DPP9: variants seen among roughly 807,000 people sequenced by gnomAD.
DPP9 encodes the protein dipeptidyl peptidase 9.
Under a neutral mutation model 110.7 loss-of-function variants are expected in DPP9, and 50 were observed. That is an observed-to-expected ratio of 0.45 (90% CI 0.36 to 0.57). DPP9 has a LOEUF of 0.57. DPP9 is among the 20% of genes least tolerant of loss of function. The pLI, the probability that DPP9 is intolerant of heterozygous loss-of-function variation, is 0.00. For missense variants in DPP9, 1,022 were observed against 1,217.9 expected (o/e 0.84, Z 2.39); for synonymous variants, 561 against 514.4 (o/e 1.09, Z -1.23).
At position 4,704,418 on chromosome 19, in the gene DPP9, GC is replaced by G; in HGVS notation, c.427-115del. 7.7e-7 allele frequency: 1 copy of G among 1,303,158 alleles called. No individual in the cohort carries two copies. The highest frequency in any genetic ancestry group is 1.1e-6 in the Non-Finnish European group (1 of 944,226). 80.7% of individuals were successfully genotyped at this position (1,303,158 alleles called of 1,614,324 possible). ...CCCAGGGAATCTGACTTCGGGCCTC[GC>G]CAGAGAGAACTTCCTGTACTGGGCA... On this transcript the variant is annotated intron_variant, in intron 5 of 21. Coordinates refer to ENST00000262960, the MANE Select transcript of DPP9 (RefSeq NM_139159.5). The surrounding 1 kb of genome is among the most constrained non-coding windows in gnomAD (Gnocchi z 6.0).
chr19:4,692,198 G>A (rs2091391216), intron 13 of DPP9, among the ~76,000 whole-genome samples: 1 of 152,214 alleles, frequency 6.6e-6, no homozygotes, highest in South Asian at 2.1e-4. Context: ...TGGGGGGTAG[G>A]AGGGTTGACT....
rs1362289817 is a variant in DPP9, at chr19:4,689,729, G to C, written c.1597-7C>G. ...TCTCCTCATTGACCCAGATCTGCAGGGGGACAGGGGATCCTCGTGATGCGT... is the reference window on the plus strand; with the variant it reads ...TCTCCTCATTGACCCAGATCTGCAGCGGGACAGGGGATCCTCGTGATGCGT... On this transcript the variant is annotated splice_region_variant and splice_polypyrimidine_tract_variant and intron_variant, in intron 14 of 21. Transcript: ENST00000262960. The surrounding 1 kb of genome is among the most constrained non-coding windows in gnomAD (Gnocchi z 7.0). 1.9e-6 allele frequency: 3 copies of C among 1,543,006 alleles called. No individual in the cohort carries two copies. Among genetic ancestry groups the C allele is most frequent in the Non-Finnish European group, 2.6e-6 (3 of 1,141,182 alleles).
In DPP9 at chr19:4,685,703, C is replaced by T. The variant is rs377267396; in HGVS notation, c.1954G>A (p.Gly652Ser). The T allele has an allele frequency of 3.1e-6, 5 of 1,613,456 alleles. No individual in the cohort carries two copies. Among genetic ancestry groups the T allele is most frequent in the Non-Finnish European group, 4.2e-6 (5 of 1,179,808 alleles). Residue 652 changes from glycine to serine, a missense_variant, in exon 17 of 22, where the codon GGC becomes AGC. Gly to Ser is a moderately conservative substitution (Grantham distance 56, BLOSUM62 0). This residue lies in a region of DPP9 where 810 missense variants were observed against 920.6 expected (regional missense o/e 0.88). Coordinates refer to ENST00000262960, the MANE Select transcript of DPP9 (RefSeq NM_139159.5). This position sits in a 1 kb window ranked among gnomAD's most constrained non-coding sequence, Gnocchi z 5.8. ...FHTRSDVRLYGMIYKPHALQP... is the reference protein window; with the variant it reads ...FHTRSDVRLYSMIYKPHALQP... ...AAGGCGTGGGGCTTGTAGATCATGC[C>T]GTAGAGCCGCACATCCGAGCGCGTG... is the stretch of plus-strand genomic sequence containing the variant.
At chr19:4,701,421 T>C (rs1490998710) in intron 9 of DPP9, among the ~76,000 whole-genome samples, 2 of 152,090 alleles carry the variant, frequency 1.3e-5, no homozygotes, top group Non-Finnish European at 2.9e-5. Flanking sequence ...TGAGCTGTGA[T>C]TGCACCACTG....
At position 4,685,000 on chromosome 19, in the gene DPP9, G is replaced by C. The variant is rs2090481091; in HGVS notation, c.2032-191C>G. 4 of 738,008 alleles carry C rather than the reference G, an allele frequency of 5.4e-6. No individual in the cohort carries two copies. Among genetic ancestry groups the C allele is most frequent in the Middle Eastern group, 2.3e-4 (1 of 4,442 alleles). The allele number at this position is 738,008 out of a possible 1,614,324, so 45.7% of individuals were successfully genotyped here. Reference sequence around the variant, plus strand: ...GGGAGGGGCCCATACTCGGGACCCTGCTAGGGAGGGGGAAGGGCCACTGTC... The same window carrying C: ...GGGAGGGGCCCATACTCGGGACCCTCCTAGGGAGGGGGAAGGGCCACTGTC... On this transcript the variant is annotated intron_variant, in intron 17 of 21. Transcript: ENST00000262960. This position sits in a 1 kb window ranked among gnomAD's most constrained non-coding sequence, Gnocchi z 4.8.
At chr19:4,699,756 C>G (rs570758957) in intron 10 of DPP9, among the ~76,000 whole-genome samples, 1 of 152,114 alleles carries the variant, frequency 6.6e-6, no homozygotes, top group African/African-American at 2.4e-5. Flanking sequence ...CTGACGGGTC[C>G]GGTGAACGGA....
chr19:4,680,672 A>AAAAT (rs1442208973), intron 20 of DPP9, among the ~76,000 whole-genome samples: 2 of 151,082 alleles, frequency 1.3e-5, no homozygotes, highest in Non-Finnish European at 2.9e-5. Flanking sequence ...AAAAAAAAAA[A>AAAAT]AATGCTGAGC....
chr19:4,720,064 C>A, intron 2 of DPP9, 123 bp from the exon 3 acceptor site: 3 of 801,482 alleles, frequency 3.7e-6, no homozygotes, highest in Admixed American at 2.1e-5. Context: ...CGGGGAGCAC[C>A]CTGAAGCCAA....
chr19:4,713,287 C>A (rs2092918515), intron 4 of DPP9, among the ~76,000 whole-genome samples: 2 of 152,366 alleles, frequency 1.3e-5, no homozygotes, highest in East Asian at 3.9e-4. Flanking sequence ...TCCTTCCTCC[C>A]AGCTCTTAAG....
Position 4,695,316 on chromosome 19 carries a change from G to T in DPP9, c.1353+62C>A. ...TGGCGCTCAGCCTTCTAGGACGTGG[G>T]GGTGGGGACAGTGTGACTCCAGGGC... On this transcript the variant is annotated intron_variant, in intron 12 of 21. Transcript: ENST00000262960. The surrounding 1 kb of genome is among the most constrained non-coding windows in gnomAD (Gnocchi z 4.7). The T allele has an allele frequency of 6.8e-7, 1 of 1,466,420 alleles. No homozygotes were observed. The highest frequency in any genetic ancestry group is 2.4e-5 in the Admixed American group (1 of 41,050). 90.8% of individuals were successfully genotyped at this position (1,466,420 alleles called of 1,614,324 possible). A position where few individuals can be genotyped will look rare whatever the true frequency, so the allele number is the denominator to read the frequency against.
intron 5 of DPP9, among the ~76,000 whole-genome samples, chr19:4,705,105 CA>C (rs1053083883): frequency 4.6e-5 from 7 of 152,158 alleles, no homozygotes; most frequent in African/African-American, 1.7e-4. Flanking sequence ...AAGTGAGGGC[CA>C]GTGAACCAGT....
chr19:4,697,903 C>A (rs1259301007), intron 10 of DPP9, among the ~76,000 whole-genome samples: 2 of 152,148 alleles, frequency 1.3e-5, no homozygotes, highest in African/African-American at 4.8e-5. Flanking sequence ...GACACATAGA[C>A]ATAGACACAT....
chr19:4,678,857 C>T (rs2089307974), intron 21 of DPP9, among the ~76,000 whole-genome samples: 1 of 152,096 alleles, frequency 6.6e-6, no homozygotes, highest in Non-Finnish European at 1.5e-5. Flanking sequence ...AATCTCCCGC[C>T]GGTACAACTA....
Position 4,690,887 on chromosome 19 carries a change from G to C in DPP9, c.1587C>G (p.His529Gln). The change falls in exon 14 of 22, where the codon CAC (histidine) becomes CAG (glutamine). Residue 529 changes from histidine to glutamine, a missense_variant. His to Gln is a conservative substitution (Grantham distance 24). This residue lies in a region of DPP9 where 810 missense variants were observed against 920.6 expected (regional missense o/e 0.88). Transcript: ENST00000262960. ...AAGGAGACCCTGGTACCTTGGAGCC[G>C]TGCCTCGCCAAAACCTCCCATTCAC... ...TSGEWEVLAR[H>Q]GSKIWVNEET... 1 of 1,612,508 alleles carries C rather than the reference G, an allele frequency of 6.2e-7. No homozygotes were observed. Among genetic ancestry groups the C allele is most frequent in the Non-Finnish European group, 8.5e-7 (1 of 1,179,298 alleles).
chr19:4,688,435 C>G (rs2090997910), intron 16 of DPP9: 1 of 312,888 alleles, frequency 3.2e-6, no homozygotes, highest in African/African-American at 2.1e-5. Context: ...GTCACCTGCC[C>G]ACTACCCTGG....
chr19:4,682,408 C>G lies in DPP9; in HGVS notation c.2474+288G>C, dbSNP rs1036598995. ...GGCTTGCCTGTGAAAAGCAGTGACT[C>G]GAATTCCCTCATCTTTCCCAGGGCA... On this transcript the variant is annotated intron_variant, in intron 20 of 21. Coordinates refer to ENST00000262960, the MANE Select transcript of DPP9 (RefSeq NM_139159.5). The surrounding 1 kb of genome is among the most constrained non-coding windows in gnomAD (Gnocchi z 7.1). 6.6e-6 allele frequency among the ~76,000 whole-genome samples: 1 copy of G among 152,142 alleles called. No homozygotes were observed. The highest frequency in any genetic ancestry group is 1.5e-5 in the Non-Finnish European group (1 of 68,022).
At chr19:4,690,801 G>C in intron 14 of DPP9, 77 bp downstream of exon 14, 1 of 1,106,030 alleles carries the variant, frequency 9.0e-7, no homozygotes, top group Non-Finnish European at 1.4e-6. Context: ...GTGTATGCGC[G>C]TGCGTGTGTG....
Position 4,684,100 on chromosome 19 carries a change from T to C in DPP9, c.2179-471A>G. ...CCGTGCTGAGATCACTACTGCGGCC[T>C]TCAAGCGACTGATCCATGGGGCCCA... On this transcript the variant is annotated intron_variant, in intron 18 of 21. Transcript: ENST00000262960. The surrounding 1 kb of genome is among the most constrained non-coding windows in gnomAD (Gnocchi z 4.8). 3.1e-6 allele frequency: 1 copy of C among 324,036 alleles called. No homozygotes were observed. Among genetic ancestry groups the C allele is most frequent in the South Asian group, 2.6e-5 (1 of 38,254 alleles). 20.1% of individuals were successfully genotyped at this position (324,036 alleles called of 1,614,324 possible). A position where few individuals can be genotyped will look rare whatever the true frequency, so the allele number is the denominator to read the frequency against.
Position 4,684,984 on chromosome 19 carries a change from C to G in DPP9, c.2032-175G>C. 1 of 803,428 alleles carries G rather than the reference C, an allele frequency of 1.2e-6. No homozygotes were observed. Among genetic ancestry groups the G allele is most frequent in the South Asian group, 1.5e-5 (1 of 68,760 alleles). The allele number at this position is 803,428 out of a possible 1,614,324, so 49.8% of individuals were successfully genotyped here. On this transcript the variant is annotated intron_variant, in intron 17 of 21. Coordinates refer to ENST00000262960, the MANE Select transcript of DPP9 (RefSeq NM_139159.5). The surrounding 1 kb of genome is among the most constrained non-coding windows in gnomAD (Gnocchi z 4.8). ...CTGGGAGTGGCAAGGCGGGAGGGGC[C>G]CATACTCGGGACCCTGCTAGGGAGG... is the stretch of plus-strand genomic sequence containing the variant.
Sources: allele counts gnomAD v4.1 joint callset (sites outside exome capture counted in the v4.1 genomes callset), GRCh38; gene constraint gnomAD v4.1.1; regional missense constraint gnomAD v4.1.1; non-coding constraint Gnocchi (gnomAD v3.1); transcripts MANE v1.5; gene names NCBI Gene and HGNC (gene_info 2026-07-23, HGNC 2026-07-21).